The following GALK2 variants were observed in gnomAD, a reference collection of about 807,000 sequenced individuals.
GALK2 encodes the protein N-acetylgalactosamine kinase.
Under a neutral mutation model 52.4 loss-of-function variants are expected in GALK2, and 36 were observed. That is an observed-to-expected ratio of 0.69 (90% CI 0.53 to 0.91). The LOEUF is 0.91. Ranked by LOEUF, GALK2 falls within the 40% of genes least tolerant of loss-of-function variation. GALK2 has a pLI of 0.00. For missense variants in GALK2, 579 were observed against 559.1 expected, an observed-to-expected ratio of 1.04 and a Z score of -0.36; for synonymous variants, 176 against 199.1, an observed-to-expected ratio of 0.88 and a Z score of 0.98.
At position 49,301,977 on chromosome 15, in the gene GALK2, A is replaced by G. The variant is rs1477624018; in HGVS notation, c.967+9440A>G. ...TACACTTTATAGTTCCCACGTGACCATTTACACACACCTTCTAATTTGAAT... is the reference window on the plus strand; with the variant it reads ...TACACTTTATAGTTCCCACGTGACCGTTTACACACACCTTCTAATTTGAAT... On this transcript the variant is annotated intron_variant, in intron 8 of 9. Coordinates refer to ENST00000560031, the MANE Select transcript of GALK2 (RefSeq NM_002044.4). Among the ~76,000 whole-genome samples the G allele has an allele frequency of 1.1e-4, 16 of 152,336 alleles. No homozygotes were observed. In the East Asian group the frequency reaches 2.3e-3, roughly 22 times the overall value.
upstream of GALK2, among the ~76,000 whole-genome samples, chr15:49,167,706 G>A (rs911506786): frequency 6.6e-6 from 1 of 152,090 alleles, no homozygotes; most frequent in Non-Finnish European, 1.5e-5. Flanking sequence ...AAGAACTAAA[G>A]GAATATCTTC....
At chr15:49,172,548 T>C (rs2085172918) in intron 1 of GALK2, among the ~76,000 whole-genome samples, 1 of 152,182 alleles carries the variant, frequency 6.6e-6, no homozygotes, top group East Asian at 1.9e-4. Context: ...GGAAAAAAAA[T>C]GAATGAATGG....
chr15:49,357,092 G>A (rs1171702932), intron 3 of GALK2, among the ~76,000 whole-genome samples: 2 of 151,186 alleles, frequency 1.3e-5, no homozygotes, highest in Non-Finnish European at 3.0e-5. Flanking sequence ...GCAGTGTGTA[G>A]AGGGAAATTT....
intron 1 of GALK2, among the ~76,000 whole-genome samples, chr15:49,159,287 A>AG (rs2084562744): frequency 6.6e-6 from 1 of 152,346 alleles, no homozygotes; most frequent in Admixed American, 6.5e-5. Context: ...TCTTTAAAAA[A>AG]TAATTCCGGC....
Position 49,328,512 on chromosome 15 carries a change from C to CTGAT in GALK2, c.*354_*357dup. On this transcript the variant is annotated 3_prime_UTR_variant, in exon 10 of 10. Transcript: ENST00000560031. ...AATTAAATATATTGTTACAATTAAA[C>CTGAT]TGATACCACTGAATTGTATGCATTA... The CTGAT allele has an allele frequency of 1.0e-5, 16 of 1,595,090 alleles. No homozygotes were observed. The Middle Eastern group carries it at 5.0e-4, about 50-fold the overall frequency.
intron 3 of GALK2, among the ~76,000 whole-genome samples, chr15:49,363,964 C>CCTA (rs1452737506): frequency 2.0e-5 from 3 of 152,116 alleles, no homozygotes; most frequent in Non-Finnish European, 4.4e-5. Flanking sequence ...AGAGGTAAAG[C>CCTA]CTACTTTGTC....
At chr15:49,295,755 A>G (rs2141839225) in intron 8 of GALK2, among the ~76,000 whole-genome samples, 1 of 152,310 alleles carries the variant, frequency 6.6e-6, no homozygotes, top group Non-Finnish European at 1.5e-5. Flanking sequence ...CTGTGCTTTT[A>G]TAAATGAATT....
intron 1 of GALK2, among the ~76,000 whole-genome samples, chr15:49,180,407 A>T (rs1375964511): frequency 6.6e-6 from 1 of 152,160 alleles, no homozygotes; most frequent in African/African-American, 2.4e-5. Flanking sequence ...GACATTTCAA[A>T]TATCACCTTA....
intron 1 of GALK2, chr15:49,156,739 G>C (rs1354642741): frequency 3.6e-6 from 2 of 549,302 alleles, no homozygotes; most frequent in Non-Finnish European, 6.8e-6. Flanking sequence ...AGAAAATAGC[G>C]CAAGAATATC....
intron 1 of GALK2, among the ~76,000 whole-genome samples, chr15:49,176,476 CT>C (rs1189199566): frequency 2.0e-5 from 3 of 152,052 alleles, no homozygotes; most frequent in Non-Finnish European, 4.4e-5. Context: ...CTTTTTTTGT[CT>C]TTAGATCAAC....
chr15:49,162,235 T>C (rs369499481), intron 1 of GALK2, among the ~76,000 whole-genome samples: 16 of 152,246 alleles, frequency 1.1e-4, no homozygotes, highest in South Asian at 6.2e-4. Context: ...AATGGAATCA[T>C]GCAATATGTA....
chr15:49,336,953 G>A (rs559120939), intron 3 of GALK2, among the ~76,000 whole-genome samples: 1 of 152,226 alleles, frequency 6.6e-6, no homozygotes, highest in African/African-American at 2.4e-5. Flanking sequence ...TAGAACATGT[G>A]GTATTTGGTG....
At chr15:49,280,882 G>C (rs1298795220) in intron 5 of GALK2, among the ~76,000 whole-genome samples, 1 of 152,024 alleles carries the variant, frequency 6.6e-6, no homozygotes, top group Non-Finnish European at 1.5e-5. Flanking sequence ...CTGTCACCAG[G>C]CTGGAGTGCA....
At chr15:49,207,048 G>T (rs537030244) in intron 2 of GALK2, among the ~76,000 whole-genome samples, 2 of 152,102 alleles carry the variant, frequency 1.3e-5, no homozygotes, top group African/African-American at 2.4e-5. Context: ...TAATCATAAA[G>T]CTTGCTGGAT....
chr15:49,191,466 C>T (rs1792462907), intron 1 of GALK2, among the ~76,000 whole-genome samples: 2 of 152,076 alleles, frequency 1.3e-5, no homozygotes, highest in Admixed American at 1.3e-4. Flanking sequence ...ACAATGGCCT[C>T]CTATAATTTT....
intron 1 of GALK2, among the ~76,000 whole-genome samples, chr15:49,162,887 G>T (rs2084699931): frequency 6.6e-6 from 1 of 152,230 alleles, no homozygotes; most frequent in Non-Finnish European, 1.5e-5. Context: ...ATAAGCCTTT[G>T]TGAGACCTTA....
intron 9 of GALK2, among the ~76,000 whole-genome samples, chr15:49,322,272 T>C (rs2036938529): frequency 6.6e-6 from 1 of 152,230 alleles, no homozygotes; most frequent in South Asian, 2.1e-4. Context: ...GCTCCATCAC[T>C]TTTTCATGAT....
At position 49,228,684 on chromosome 15, in the gene GALK2, T is replaced by C. The variant is rs1231378226; in HGVS notation, c.267-7167T>C. On this transcript the variant is annotated intron_variant, in intron 3 of 9. Coordinates refer to ENST00000560031, the MANE Select transcript of GALK2 (RefSeq NM_002044.4). ...TGATATATATATATATATATATATA[T>C]ATATTTTTTTTTTTTTTTTTTTTTT... Among the ~76,000 whole-genome samples, 4 of 18,844 alleles carry C rather than the reference T, an allele frequency of 2.1e-4. 1 individual carries two copies. Among genetic ancestry groups the C allele is most frequent in the Non-Finnish European group, 5.2e-4 (4 of 7,734 alleles). The allele number at this position is 18,844 out of a possible 152,430, so 12.4% of individuals were successfully genotyped here.
At chr15:49,187,463 GC>G (rs1455203361) in intron 1 of GALK2, among the ~76,000 whole-genome samples, 1 of 152,102 alleles carries the variant, frequency 6.6e-6, no homozygotes, top group Non-Finnish European at 1.5e-5. Context: ...CTCCCTCAAG[GC>G]CCAAGCAGGT....
Sources: gnomAD v4.1 joint callset for allele counts (sites outside exome capture counted in the v4.1 genomes callset) on GRCh38, gnomAD v4.1.1 for gene constraint, MANE v1.5 for transcripts, NCBI Gene and HGNC (gene_info 2026-07-23, HGNC 2026-07-21) for gene names.